The following MS4A4A variants were observed in gnomAD, a reference collection of about 807,000 sequenced individuals.
MS4A4A encodes membrane-spanning 4-domains subfamily A member 4A.
MS4A4A carries 26 observed loss-of-function variants against 28.0 expected under a neutral mutation model. That is an observed-to-expected ratio of 0.93 (90% CI 0.68 to 1.29). The LOEUF is 1.29. MS4A4A is among the 50% of genes most tolerant of loss of function. The probability of loss-of-function intolerance (pLI) is 0.00; values close to 1 mark genes in which losing one functional copy is unlikely to be tolerated. For missense variants in MS4A4A, 290 were observed against 293.1 expected (o/e 0.99, Z 0.08); for synonymous variants, 86 against 100.8 (o/e 0.85, Z 0.88).
chr11:60,290,266 G>T, intron 1 of MS4A4A: 1 of 204,450 alleles, frequency 4.9e-6, no homozygotes, highest in Non-Finnish European at 1.0e-5. Flanking sequence ...TACACCTCAG[G>T]GGGGGCCTCT....
intron 2 of MS4A4A, among the ~76,000 whole-genome samples, chr11:60,294,892 A>ACTTCTACTTCTTCTT (rs2084890225): frequency 7.6e-6 from 1 of 130,846 alleles, no homozygotes; most frequent in East Asian, 2.3e-4. Context: ...TACAACTACT[A>ACTTCTACTTCTTCTT]CTTCTTCTTC....
chr11:60,302,121 C>T (rs979940983), intron 4 of MS4A4A, among the ~76,000 whole-genome samples: 1 of 152,088 alleles, frequency 6.6e-6, no homozygotes, highest in Non-Finnish European at 1.5e-5. Flanking sequence ...TACCTTTATC[C>T]ATGAGAAGAG....
At chr11:60,287,314 A>T (rs1256402999) in intron 1 of MS4A4A, among the ~76,000 whole-genome samples, 2 of 152,194 alleles carry the variant, frequency 1.3e-5, no homozygotes, top group Non-Finnish European at 2.9e-5. Context: ...GGATAATCCC[A>T]TGAAGGAAAG....
intron 1 of MS4A4A, chr11:60,290,371 T>C (rs988389188): frequency 1.3e-5 from 2 of 153,122 alleles, no homozygotes; most frequent in African/African-American, 4.8e-5. Context: ...CATCATGTAA[T>C]CTTTGTTTCT....
At chr11:60,307,449 T>C (rs2085013295) in intron 6 of MS4A4A, among the ~76,000 whole-genome samples, 1 of 152,234 alleles carries the variant, frequency 6.6e-6, no homozygotes, top group South Asian at 2.1e-4. Context: ...TTTCATTGAG[T>C]GAAACGTTTG....
intron 1 of MS4A4A, among the ~76,000 whole-genome samples, chr11:60,290,787 A>G (rs2084848587): frequency 6.6e-6 from 1 of 151,978 alleles, no homozygotes; most frequent in African/African-American, 2.4e-5. Flanking sequence ...GACTTTAATC[A>G]GTTTTATTGT....
intron 3 of MS4A4A, among the ~76,000 whole-genome samples, chr11:60,298,476 ACT>A (rs1187948747): frequency 6.6e-6 from 1 of 152,154 alleles, no homozygotes; most frequent in Non-Finnish European, 1.5e-5. Context: ...TCATGTGGAC[ACT>A]CTACTTAGTG....
At chr11:60,300,875 T>C in intron 3 of MS4A4A, 126 bp from the exon 4 acceptor site, 1 of 649,340 alleles carries the variant, frequency 1.5e-6, no homozygotes, top group Non-Finnish European at 2.6e-6. Context: ...GTGCAAACCT[T>C]TGTGGTTTTC....
At chr11:60,297,106 G>A in intron 2 of MS4A4A, 91 bp from the exon 3 acceptor site, 1 of 1,475,754 alleles carries the variant, frequency 6.8e-7, no homozygotes, top group Non-Finnish European at 9.4e-7. Context: ...AAATGAAGGA[G>A]AATAAGGATA....
chr11:60,297,951 C>T (rs1033525887), intron 3 of MS4A4A, among the ~76,000 whole-genome samples: 4 of 151,698 alleles, frequency 2.6e-5, no homozygotes, highest in African/African-American at 7.3e-5. Flanking sequence ...TACTGACTAT[C>T]GAAACTCAGG....
intron 6 of MS4A4A, 58 bp downstream of exon 6, chr11:60,306,259 G>A (rs958755062): frequency 1.2e-5 from 15 of 1,298,922 alleles, no homozygotes; most frequent in Admixed American, 3.4e-5. Flanking sequence ...CTGTGTAATC[G>A]ATTACACACA....
Position 60,294,051 on chromosome 11 carries a change from C to T in MS4A4A, c.201+1667C>T, listed in dbSNP as rs955200763. On this transcript the variant is annotated intron_variant, in intron 2 of 6. Transcript: ENST00000337908. Reference sequence around the variant, plus strand: ...AACTGCCATACTGTCTTCCACATGGCCTTGTCACTTTGAAGATTTCAATCA... The same window carrying T: ...AACTGCCATACTGTCTTCCACATGGTCTTGTCACTTTGAAGATTTCAATCA... Among the ~76,000 whole-genome samples the T allele has an allele frequency of 6.7e-4, 102 of 152,200 alleles. 1 individual carries two copies. Among genetic ancestry groups the T allele is most frequent in the Admixed American group, 6.7e-3 (102 of 15,284 alleles).
chr11:60,280,833 A>AC, intron 1 of MS4A4A, 117 bp downstream of exon 1: 2 of 1,241,392 alleles, frequency 1.6e-6, no homozygotes, highest in Non-Finnish European at 2.3e-6. Context: ...CCATGACCCA[A>AC]GCTGGTATTC....
intron 1 of MS4A4A, among the ~76,000 whole-genome samples, chr11:60,285,518 A>T (rs1019375957): frequency 6.6e-6 from 1 of 152,032 alleles, no homozygotes; most frequent in African/African-American, 2.4e-5. Context: ...AGTCCCCAAT[A>T]TTTCAACATA....
At chr11:60,282,496 G>T (rs1469011703) in intron 1 of MS4A4A, 1 of 1,063,838 alleles carries the variant, frequency 9.4e-7, no homozygotes, top group Non-Finnish European at 1.2e-6. Flanking sequence ...TGGTGGGGAA[G>T]TGGGGGAATA....
At position 60,292,383 on chromosome 11, in the gene MS4A4A, G is replaced by A. The variant is rs764209455; in HGVS notation, c.200G>A (p.Gly67Glu). Residue 67 changes from glycine (G) to glutamate (E), a missense_variant and splice_region_variant, in exon 2 of 7, where the codon GGG becomes GAG. Gly to Glu is a moderately conservative substitution (Grantham distance 98). Transcript: ENST00000337908. ...TTGAAGGGAGAACCCAAAGTCCTTG[G>A]GGTAAGTTGCAAATCTAGGGGAAGA... is the stretch of plus-strand genomic sequence containing the variant. ...KFLKGEPKVL[G>E]VVQILTALMS... 1.3e-5 allele frequency: 20 copies of A among 1,588,684 alleles called. No homozygotes were observed. The highest frequency in any genetic ancestry group is 1.7e-4 in the Middle Eastern group (1 of 5,964).
intron 3 of MS4A4A, among the ~76,000 whole-genome samples, chr11:60,298,469 T>C (rs1287520122): frequency 1.1e-4 from 16 of 152,252 alleles, no homozygotes; most frequent in Non-Finnish European, 8.8e-5. Flanking sequence ...CTTACTATCA[T>C]GTGGACACTC....
At chr11:60,293,475 C>G (rs971426830) in intron 2 of MS4A4A, among the ~76,000 whole-genome samples, 2 of 152,210 alleles carry the variant, frequency 1.3e-5, no homozygotes, top group Admixed American at 6.5e-5. Context: ...TCAACCTCCT[C>G]CACCAGCATG....
intron 5 of MS4A4A, among the ~76,000 whole-genome samples, chr11:60,303,864 C>T (rs1336773226): frequency 6.6e-6 from 1 of 152,190 alleles, no homozygotes; most frequent in Non-Finnish European, 1.5e-5. Context: ...TTCTTCCTAA[C>T]TTACTAAGCA....
Sources: allele counts gnomAD v4.1 joint callset (sites outside exome capture counted in the v4.1 genomes callset), GRCh38; gene constraint gnomAD v4.1.1; transcripts MANE v1.5; gene names NCBI Gene and HGNC (gene_info 2026-07-23, HGNC 2026-07-21).